Variants in LACRT observed in about 807,000 individuals in gnomAD.
The protein encoded by LACRT is extracellular glycoprotein lacritin.
LACRT carries 14 observed loss-of-function variants against 14.5 expected under a neutral mutation model. The ratio of observed to expected loss-of-function variants is 0.96; its 90% confidence interval spans 0.64 to 1.51. LACRT has a LOEUF of 1.51. Among genes scored for constraint, LACRT ranks in the 40% most tolerant of loss-of-function variants. The pLI, the probability that LACRT is intolerant of heterozygous loss-of-function variation, is 0.00. For synonymous variants in LACRT, 70 were observed against 63.5 expected, an observed-to-expected ratio of 1.10 and a Z score of -0.48; for missense variants, 156 against 161.8, an observed-to-expected ratio of 0.96 and a Z score of 0.19.
chr12:54,634,753 T>C, intron 1 of LACRT, 31 bp downstream of exon 1: 1 of 1,604,102 alleles, frequency 6.2e-7, no homozygotes, highest in Non-Finnish European at 8.5e-7. Flanking sequence ...GGGAGGACTC[T>C]TGTGGGGCGC....
chr12:54,631,888 A>C (rs932517009), intron 3 of LACRT, 49 bp from the exon 4 acceptor site: 9 of 1,343,864 alleles, frequency 6.7e-6, no homozygotes, highest in Non-Finnish European at 9.6e-6. Flanking sequence ...CACCTCATTT[A>C]AAGAGAACTC....
In LACRT at chr12:54,634,673, G is replaced by T. The variant is rs150141775; in HGVS notation, c.58+111C>A. On this transcript the variant is annotated intron_variant, in intron 1 of 4. Coordinates refer to ENST00000257867, the MANE Select transcript of LACRT (RefSeq NM_033277.2). ...ACTGGGAGAGGAGTCACTTGCAGAG[G>T]CAGGGAAACCAGAATAGCACTGAGA... 8.7e-4 allele frequency: 909 copies of T among 1,040,104 alleles called. 25 individuals carry two copies. The East Asian group carries it at 0.021, about 25-fold the overall frequency. The allele number at this position is 1,040,104 out of a possible 1,614,324, so 64.4% of individuals were successfully genotyped here.
chr12:54,630,823 G>A lies in LACRT; in HGVS notation c.*69C>T, dbSNP rs780198973. ...GGCACACAGCAAGTTGGATGCTTTC[G>A]TTTTAATAGCTCTGGGCTACAAGGG... On this transcript the variant is annotated 3_prime_UTR_variant, in exon 5 of 5. Transcript: ENST00000257867. 3.7e-5 allele frequency: 46 copies of A among 1,245,898 alleles called. No individual in the cohort carries two copies. Among genetic ancestry groups the A allele is most frequent in the South Asian group, 1.5e-4 (12 of 82,314 alleles). The allele number at this position is 1,245,898 out of a possible 1,614,324, so 77.2% of individuals were successfully genotyped here.
chr12:54,633,743 A>G (rs1429726307), intron 1 of LACRT, among the ~76,000 whole-genome samples: 1 of 152,210 alleles, frequency 6.6e-6, no homozygotes, highest in East Asian at 1.9e-4. Context: ...CTGCCCTGAC[A>G]GAGCTTACAT....
rs1300881531 is a variant in LACRT, at chr12:54,634,803, T to A, written c.39A>T (p.Ala13=). Residue 13 remains alanine, a synonymous_variant, in exon 1 of 5, where the codon GCA becomes GCT. Coordinates refer to ENST00000257867, the MANE Select transcript of LACRT (RefSeq NM_033277.2). ...FTTLLFLAAV[A]GALVYAEDAS... ...ACTCACCAGCATAGACCAGGGCCCCTGCTACAGCTGCCAAGAAGAGGAGAG... is the reference window on the plus strand; with the variant it reads ...ACTCACCAGCATAGACCAGGGCCCCAGCTACAGCTGCCAAGAAGAGGAGAG... The A allele has an allele frequency of 1.4e-5, 22 of 1,613,840 alleles. No individual in the cohort carries two copies. Among genetic ancestry groups the A allele is most frequent in the Non-Finnish European group, 1.9e-5 (22 of 1,179,868 alleles).
In LACRT at chr12:54,630,951, C is replaced by T; in HGVS notation, c.358G>A (p.Gly120Arg). The change falls in exon 5 of 5, where the codon GGA becomes AGA. Residue 120 changes from glycine to arginine, a missense_variant and splice_region_variant. Gly to Arg is a moderately radical substitution (Grantham distance 125). Transcript: ENST00000257867. ...AGTAATTTTTGTGCAAATTCACTTC[C>T]ATCTAGAAGGAAAGATGAGACAAAT... ...VPGGKQFIEN[G>R]SEFAQKLLKK... is the part of the protein sequence containing the mutation. 1 of 1,607,294 alleles carries T rather than the reference C, an allele frequency of 6.2e-7. No homozygotes were observed. The highest frequency in any genetic ancestry group is 8.5e-7 in the Non-Finnish European group (1 of 1,174,702).
At chr12:54,631,495 C>A (rs928698826) in intron 4 of LACRT, among the ~76,000 whole-genome samples, 5 of 152,230 alleles carry the variant, frequency 3.3e-5, no homozygotes, top group Admixed American at 1.3e-4. Flanking sequence ...CCTGCCTTGG[C>A]CTCCCAAAGT....
At position 54,630,972 on chromosome 12, in the gene LACRT, C is replaced by G. The variant is rs1276314982; in HGVS notation, c.356-19G>C. ...CTTCCATCTAGAAGGAAAGATGAGA[C>G]AAATGAGGCTTTTAGGACCCCAGGC... On this transcript the variant is annotated intron_variant, in intron 4 of 4. Coordinates refer to ENST00000257867, the MANE Select transcript of LACRT (RefSeq NM_033277.2). 1.3e-6 allele frequency: 2 copies of G among 1,574,620 alleles called. No individual in the cohort carries two copies. The highest frequency in any genetic ancestry group is 1.7e-5 in the Admixed American group (1 of 59,954).
Position 54,632,226 on chromosome 12 carries a change from G to C in LACRT, c.253+15C>G. ...TTTTCTAGGTTGTTGATCTGGCATA[G>C]AGACAGAGACTTACTCAGGGGGTTT... On this transcript the variant is annotated intron_variant, in intron 3 of 4. Coordinates refer to ENST00000257867, the MANE Select transcript of LACRT (RefSeq NM_033277.2). The C allele has an allele frequency of 3.1e-6, 5 of 1,613,882 alleles. No individual in the cohort carries two copies. Among genetic ancestry groups the C allele is most frequent in the Non-Finnish European group, 4.2e-6 (5 of 1,179,822 alleles).
chr12:54,632,857 G>C (rs1397619852), intron 2 of LACRT, among the ~76,000 whole-genome samples: 1 of 152,078 alleles, frequency 6.6e-6, no homozygotes, highest in Non-Finnish European at 1.5e-5. Flanking sequence ...AGTAATGGGA[G>C]GTGTTTGCAG....
intron 4 of LACRT, among the ~76,000 whole-genome samples, 187 bp downstream of exon 4, chr12:54,631,551 A>T (rs1958151949): frequency 6.6e-6 from 1 of 152,112 alleles, no homozygotes; most frequent in African/African-American, 2.4e-5. Context: ...GGCAATTTGA[A>T]TCTGGATGAG....
intron 2 of LACRT, among the ~76,000 whole-genome samples, chr12:54,632,758 G>A (rs954065109): frequency 1.3e-5 from 2 of 152,154 alleles, no homozygotes; most frequent in Non-Finnish European, 2.9e-5. Flanking sequence ...TTTAGCTGAT[G>A]TGGGTGCGAC....
chr12:54,630,992 C>T (rs1046253169), intron 4 of LACRT, 39 bp from the exon 5 acceptor site: 9 of 1,297,242 alleles, frequency 6.9e-6, no homozygotes, highest in Non-Finnish European at 8.9e-6. Context: ...TTTTAGGACC[C>T]CAGGCACCAG....
At chr12:54,633,152 C>A (rs770641404) in intron 2 of LACRT, 28 bp downstream of exon 2, 17 of 1,611,542 alleles carry the variant, frequency 1.1e-5, no homozygotes, top group Non-Finnish European at 1.4e-5. Context: ...CCAACGAGGG[C>A]TAGGGCAGCA....
intron 2 of LACRT, among the ~76,000 whole-genome samples, chr12:54,632,841 A>G (rs1456826778): frequency 6.6e-6 from 1 of 152,146 alleles, no homozygotes; most frequent in Non-Finnish European, 1.5e-5. Flanking sequence ...TTGCTAAGGA[A>G]TTGGGAGTAA....
At chr12:54,631,904 T>G in intron 3 of LACRT, 65 bp from the exon 4 acceptor site, 2 of 1,084,764 alleles carry the variant, frequency 1.8e-6, no homozygotes, top group Non-Finnish European at 2.8e-6. Context: ...AACTCTGCAT[T>G]GCCCCACCTG....
chr12:54,631,133 C>G (rs973801961), intron 4 of LACRT, among the ~76,000 whole-genome samples, 180 bp from the exon 5 acceptor site: 1 of 152,220 alleles, frequency 6.6e-6, no homozygotes, highest in African/African-American at 2.4e-5. Flanking sequence ...ACCCTCTTCC[C>G]CACCTTGGCA....
chr12:54,633,137 C>T, intron 2 of LACRT, 43 bp downstream of exon 2: 2 of 1,599,522 alleles, frequency 1.3e-6, no homozygotes, highest in African/African-American at 1.3e-5. Flanking sequence ...AACTGTTAAA[C>T]CTTCCCAACG....
chr12:54,631,940 C>T, intron 3 of LACRT, 101 bp from the exon 4 acceptor site: 1 of 702,504 alleles, frequency 1.4e-6, no homozygotes. Context: ...CCCACTCCAC[C>T]CAGGACATCA....
Sources: allele counts gnomAD v4.1 joint callset (sites outside exome capture counted in the v4.1 genomes callset), GRCh38; gene constraint gnomAD v4.1.1; transcripts MANE v1.5; gene names NCBI Gene and HGNC (gene_info 2026-07-23, HGNC 2026-07-21).